Variants in PLEKHG2 observed in about 807,000 individuals in gnomAD.
PLEKHG2 encodes the protein pleckstrin homology domain-containing family G member 2.
PLEKHG2 carries 71 observed loss-of-function variants against 104.4 expected under a neutral mutation model. That is an observed-to-expected ratio of 0.68 (90% CI 0.56 to 0.83). The LOEUF is 0.83. Ranked by LOEUF, PLEKHG2 falls within the 40% of genes least tolerant of loss-of-function variation. The pLI is 0.00. For synonymous variants in PLEKHG2, 728 were observed against 737.0 expected (o/e 0.99, Z 0.20); for missense variants, 1,730 against 1,809.4 (o/e 0.96, Z 0.80).
rs1194548296 is a variant in PLEKHG2 at position 39,413,204 on chromosome 19, G to T, written c.-231G>T. 2 of 152,236 alleles carry T rather than the reference G, an allele frequency of 1.3e-5. No homozygotes were observed. The highest frequency in any genetic ancestry group is 2.9e-5 in the Non-Finnish European group (2 of 68,076). 9.4% of individuals were successfully genotyped at this position (152,236 alleles called of 1,614,324 possible). A position where few individuals can be genotyped will look rare whatever the true frequency, so the allele number is the denominator to read the frequency against. Reference sequence around the variant, plus strand: ...CCCAGCGCCGCCATCTGAGACTCCAGAGTCGAGGCTCCTAGCATCCCCTAC... The same window carrying T: ...CCCAGCGCCGCCATCTGAGACTCCATAGTCGAGGCTCCTAGCATCCCCTAC... On this transcript the variant is annotated 5_prime_UTR_variant, in exon 1 of 19. Transcript: ENST00000425673. This position sits in a 1 kb window ranked among gnomAD's most constrained non-coding sequence, Gnocchi z 4.5.
chr19:39,422,116 A>T lies in PLEKHG2; in HGVS notation c.1505A>T (p.His502Leu), dbSNP rs1163657258. Residue 502 changes from histidine (H) to leucine (L), a missense_variant and splice_region_variant, in exon 17 of 19, where the codon CAC (histidine) becomes CTC (leucine). His to Leu is a moderately conservative substitution (Grantham distance 99). Transcript: ENST00000425673. ...FPQNAKPGFK[H>L]AGSEGELYPP... is the part of the protein sequence containing the mutation. ...TTCCATTGCTTTCCCTCCTCACAGC[A>T]CGCTGGCAGCGAAGGGGAACTCTAC... The T allele has an allele frequency of 1.2e-6, 2 of 1,607,320 alleles. No homozygotes were observed. The highest frequency in any genetic ancestry group is 3.4e-5 in the Admixed American group (2 of 59,022).
rs1284454209 is a variant in PLEKHG2 at position 39,413,850 on chromosome 19, G to C, written c.-22-215G>C. The C allele has an allele frequency of 5.3e-6, 2 of 377,806 alleles. No homozygotes were observed. The highest frequency in any genetic ancestry group is 2.1e-5 in the African/African-American group (1 of 48,200). 23.4% of individuals were successfully genotyped at this position (377,806 alleles called of 1,614,324 possible). Reference sequence around the variant, plus strand: ...TCGCAGCTTCTGCGCCTCCTGCTCCGCTCACTCTTCTTTGTCTCAGCCTTT... The same window carrying C: ...TCGCAGCTTCTGCGCCTCCTGCTCCCCTCACTCTTCTTTGTCTCAGCCTTT... On this transcript the variant is annotated intron_variant, in intron 1 of 18. Transcript: ENST00000425673. This position sits in a 1 kb window ranked among gnomAD's most constrained non-coding sequence, Gnocchi z 4.5.
chr19:39,417,078 T>C (rs1600649813), intron 7 of PLEKHG2, 78 bp downstream of exon 7: 1 of 1,478,970 alleles, frequency 6.8e-7, no homozygotes. Context: ...ATCTGGAGGA[T>C]GGACCCCCCA....
intron 15 of PLEKHG2, 70 bp downstream of exon 15, chr19:39,421,183 G>A: frequency 6.2e-7 from 1 of 1,612,910 alleles, no homozygotes; most frequent in Middle Eastern, 1.7e-4. Context: ...GGGGCGGGTT[G>A]GGGAGGGGTG....
Position 39,422,279 on chromosome 19 carries a change from A to C in PLEKHG2, c.1668A>C (p.Arg556=), listed in dbSNP as rs2078711083. Residue 556 remains arginine, a synonymous_variant, in exon 17 of 19, where the codon CGA becomes CGC. Transcript: ENST00000425673. ...ILELLNQRGL[R]DPGPSTHDIP... is the part of the protein sequence containing the mutation. Reference sequence around the variant, plus strand: ...AACTGCTGAATCAGCGAGGCCTTCGAGATCCAGGGGTGAGCTGGCTGTCCC... The same window carrying C: ...AACTGCTGAATCAGCGAGGCCTTCGCGATCCAGGGGTGAGCTGGCTGTCCC... 1.2e-6 allele frequency: 2 copies of C among 1,611,040 alleles called. No individual in the cohort carries two copies. Among genetic ancestry groups the C allele is most frequent in the Admixed American group, 1.7e-5 (1 of 59,726 alleles).
Position 39,417,712 on chromosome 19 carries a change from G to A in PLEKHG2, c.882+20G>A. The A allele has an allele frequency of 6.2e-7, 1 of 1,610,604 alleles. No homozygotes were observed. The highest frequency in any genetic ancestry group is 8.5e-7 in the Non-Finnish European group (1 of 1,179,342). On this transcript the variant is annotated intron_variant, in intron 8 of 18. Coordinates refer to ENST00000425673, the MANE Select transcript of PLEKHG2 (RefSeq NM_022835.3). ...CTCCAGGTGGCCCCAGGGTGGGCTG[G>A]GGCTTGCTGGATGAGGGAGTGAGCG...
intron 9 of PLEKHG2, 91 bp downstream of exon 9, chr19:39,418,196 G>T: frequency 5.2e-6 from 6 of 1,145,788 alleles, no homozygotes; most frequent in Non-Finnish European, 5.7e-6. Flanking sequence ...TGGGCCAGGG[G>T]ACCCTGCCAC....
chr19:39,421,130 G>T lies in PLEKHG2; in HGVS notation c.1486+17G>T, dbSNP rs781735502. 8 of 1,568,606 alleles carry T rather than the reference G, an allele frequency of 5.1e-6. No individual in the cohort carries two copies. Among genetic ancestry groups the T allele is most frequent in the Non-Finnish European group, 6.9e-6 (8 of 1,153,498 alleles). On this transcript the variant is annotated intron_variant, in intron 15 of 18. Coordinates refer to ENST00000425673, the MANE Select transcript of PLEKHG2 (RefSeq NM_022835.3). ...CACAGAACGGTCAGTGACTGCCCCG[G>T]TTCAGCCTGGTCCATCCCTGTCTGT...
Position 39,424,344 on chromosome 19 carries a change from T to A in PLEKHG2, c.3211T>A (p.Cys1071Ser). ...GGATGTTCAGGGCCCAGACCCTGTC[T>A]GCAGTCAACCCATCCAGCCTTTGTC... ...SRDVQGPDPV[C>S]SQPIQPLSWH... Residue 1071 changes from cysteine (C) to serine (S), a missense_variant, in exon 19 of 19, where the codon TGC becomes AGC. Transcript: ENST00000425673. The A allele has an allele frequency of 6.2e-7, 1 of 1,614,126 alleles. No homozygotes were observed. Among genetic ancestry groups the A allele is most frequent in the Non-Finnish European group, 8.5e-7 (1 of 1,180,012 alleles).
rs763500718 is a variant in PLEKHG2, at chr19:39,414,106, G to A, written c.20G>A (p.Gly7Glu). 48 of 1,551,356 alleles carry A rather than the reference G, an allele frequency of 3.1e-5. No individual in the cohort carries two copies. Among genetic ancestry groups the A allele is most frequent in the Non-Finnish European group, 4.0e-5 (46 of 1,146,902 alleles). Residue 7 changes from glycine to glutamate, a missense_variant, in exon 2 of 19, where the codon GGA becomes GAA. Transcript: ENST00000425673. MPEGAQGLSLSKPSPSL... is the reference protein window; with the variant it reads MPEGAQELSLSKPSPSL... ...TCAGCCATGCCTGAGGGAGCCCAAG[G>A]ACTGAGCCTCTCCAAACCTAGCCCA...
chr19:39,422,377 C>G, intron 17 of PLEKHG2, 89 bp downstream of exon 17: 2 of 1,372,106 alleles, frequency 1.5e-6, no homozygotes, highest in Non-Finnish European at 2.0e-6. Flanking sequence ...ATGCTGATAC[C>G]TTTATTTTTT....
In PLEKHG2 at chr19:39,422,274, C is replaced by A; in HGVS notation, c.1663C>A (p.Leu555Ile). ...CCTGGAACTGCTGAATCAGCGAGGC[C>A]TTCGAGATCCAGGGGTGAGCTGGCT... ...EILELLNQRG[L>I]RDPGPSTHDI... Residue 555 changes from leucine to isoleucine, a missense_variant, in exon 17 of 19, where the codon CTT (leucine) becomes ATT (isoleucine). Leu to Ile is a conservative substitution (Grantham distance 5). Coordinates refer to ENST00000425673, the MANE Select transcript of PLEKHG2 (RefSeq NM_022835.3). The A allele has an allele frequency of 6.2e-7, 1 of 1,611,758 alleles. No individual in the cohort carries two copies. Among genetic ancestry groups the A allele is most frequent in the South Asian group, 1.1e-5 (1 of 90,450 alleles).
chr19:39,414,783 G>A (rs970727759), intron 2 of PLEKHG2, among the ~76,000 whole-genome samples: 4 of 152,194 alleles, frequency 2.6e-5, no homozygotes, highest in African/African-American at 9.7e-5. Flanking sequence ...CATGGAGGTG[G>A]ATTAGAGAAA....
chr19:39,420,997 G>A lies in PLEKHG2; in HGVS notation c.1447+1G>A, dbSNP rs200814754. The A allele has an allele frequency of 1.2e-6, 2 of 1,614,080 alleles. No individual in the cohort carries two copies. The highest frequency in any genetic ancestry group is 1.7e-6 in the Non-Finnish European group (2 of 1,180,024). ...ATTCGCCGAGGCCGCAGGCAGTCTG[G>A]TGAGCACTCACCCCTAAGGGTGATC... On this transcript the variant is annotated splice_donor_variant, in intron 14 of 18. Coordinates refer to ENST00000425673, the MANE Select transcript of PLEKHG2 (RefSeq NM_022835.3). LOFTEE classifies it high-confidence loss of function.
chr19:39,425,132 C>G lies in PLEKHG2; in HGVS notation c.3999C>G (p.Leu1333=). The change falls in exon 19 of 19, where the codon CTC becomes CTG. Residue 1333 remains leucine, a synonymous_variant. Coordinates refer to ENST00000425673, the MANE Select transcript of PLEKHG2 (RefSeq NM_022835.3). ...CACCACCTCCCCCAGCCAGGCGGCT[C>G]AGCTATGCCACGACGGTTAACATCC... is the stretch of plus-strand genomic sequence containing the variant. ...PQPPPPPARR[L]SYATTVNIHV... 2 of 1,586,066 alleles carry G rather than the reference C, an allele frequency of 1.3e-6. No individual in the cohort carries two copies. The highest frequency in any genetic ancestry group is 1.7e-6 in the Non-Finnish European group (2 of 1,167,712).
In PLEKHG2 at chr19:39,416,830, G is replaced by C. The variant is rs760814745; in HGVS notation, c.594-20G>C. Reference sequence around the variant, plus strand: ...CCCACTGGAACTGACAATCCCCACTGACCTGTGCTGTGCCCCCAGCTCCCT... The same window carrying C: ...CCCACTGGAACTGACAATCCCCACTCACCTGTGCTGTGCCCCCAGCTCCCT... On this transcript the variant is annotated intron_variant, in intron 6 of 18. Transcript: ENST00000425673. The surrounding 1 kb of genome is among the most constrained non-coding windows in gnomAD (Gnocchi z 4.5). 7 of 1,587,282 alleles carry C rather than the reference G, an allele frequency of 4.4e-6. No individual in the cohort carries two copies. In the South Asian group the frequency reaches 8.0e-5, roughly 18 times the overall value.
intron 11 of PLEKHG2, 52 bp downstream of exon 11, chr19:39,419,055 C>T: frequency 6.7e-7 from 1 of 1,494,932 alleles, no homozygotes; most frequent in Non-Finnish European, 9.0e-7. Context: ...GACACCCTCC[C>T]CCAATAGTAC....
rs548184131 is a variant in PLEKHG2, at chr19:39,413,813, G to A, written c.-22-252G>A. 6.3e-5 allele frequency: 16 copies of A among 253,324 alleles called. No individual in the cohort carries two copies. Among genetic ancestry groups the A allele is most frequent in the South Asian group, 2.3e-4 (4 of 17,490 alleles). 15.7% of individuals were successfully genotyped at this position (253,324 alleles called of 1,614,324 possible). On this transcript the variant is annotated intron_variant, in intron 1 of 18. Transcript: ENST00000425673. This position sits in a 1 kb window ranked among gnomAD's most constrained non-coding sequence, Gnocchi z 4.5. ...CAGGATCCCTAAGCCTCCGGCCCCAGACAAACGGGACTCGCAGCTTCTGCG... is the reference window on the plus strand; with the variant it reads ...CAGGATCCCTAAGCCTCCGGCCCCAAACAAACGGGACTCGCAGCTTCTGCG...
intron 11 of PLEKHG2, among the ~76,000 whole-genome samples, chr19:39,420,315 C>T (rs1156924521): frequency 1.3e-5 from 2 of 150,996 alleles, no homozygotes; most frequent in Non-Finnish European, 2.9e-5. Context: ...GCCGAAATCG[C>T]GCCTTTGCAC....
Sources: allele counts gnomAD v4.1 joint callset (sites outside exome capture counted in the v4.1 genomes callset), GRCh38; gene constraint gnomAD v4.1.1; non-coding constraint Gnocchi (gnomAD v3.1); transcripts MANE v1.5; gene names NCBI Gene and HGNC (gene_info 2026-07-23, HGNC 2026-07-21).